The following VPS54 variants were observed in gnomAD, a reference collection of about 807,000 sequenced individuals.
VPS54 encodes the protein VPS54 subunit of GARP complex.
A neutral mutation model predicts 121.5 loss-of-function variants in VPS54; 45 were observed. The ratio of observed to expected loss-of-function variants is 0.37; its 90% CI spans 0.29 to 0.47. VPS54 has a LOEUF of 0.47. Among genes scored for constraint, VPS54 ranks in the 20% least tolerant of loss-of-function variants. VPS54 has a pLI of 0.99. For missense variants in VPS54, 1,090 were observed against 1,131.4 expected (o/e 0.96, Z 0.52); for synonymous variants, 371 against 385.8 (o/e 0.96, Z 0.45).
intron 12 of VPS54, among the ~76,000 whole-genome samples, chr2:63,929,552 A>C (rs933881406): frequency 3.3e-5 from 5 of 152,244 alleles, no homozygotes; most frequent in Non-Finnish European, 7.3e-5. Context: ...AAATGCCCAC[A>C]AGAGAAAGCA....
intron 16 of VPS54, among the ~76,000 whole-genome samples, chr2:63,915,054 G>A (rs1404952354): frequency 1.3e-5 from 2 of 150,946 alleles, no homozygotes. Flanking sequence ...GGGAGGCTGA[G>A]GCAGGAGAAT....
At position 63,892,296 on chromosome 2, in the gene VPS54, A is replaced by ATATT. The variant is rs1672252713; in HGVS notation, c.*1130_*1133dup. 6.6e-6 allele frequency: 1 copy of ATATT among 152,156 alleles called. No homozygotes were observed. The highest frequency in any genetic ancestry group is 1.5e-5 in the Non-Finnish European group (1 of 68,022). The allele number at this position is 152,156 out of a possible 1,614,324, so 9.4% of individuals were successfully genotyped here. On this transcript the variant is annotated 3_prime_UTR_variant, in exon 23 of 23. Coordinates refer to ENST00000272322, the MANE Select transcript of VPS54 (RefSeq NM_016516.3). ...TTTCATTATACATAATCACCACAGG[A>ATATT]TATTAGGCACTCTGACAGGGTTAGG... is the stretch of plus-strand genomic sequence containing the variant.
At chr2:63,988,320 T>A (rs1464355442) in intron 1 of VPS54, among the ~76,000 whole-genome samples, 1 of 152,262 alleles carries the variant, frequency 6.6e-6, no homozygotes, top group Admixed American at 6.5e-5. Flanking sequence ...TTTGCACATG[T>A]TGAACTATCT....
At chr2:63,956,603 C>T (rs897939024) in intron 7 of VPS54, among the ~76,000 whole-genome samples, 17 of 152,130 alleles carry the variant, frequency 1.1e-4, no homozygotes, top group African/African-American at 3.4e-4. Flanking sequence ...AGCTCTCAAG[C>T]CCAGTGAGAC....
chr2:63,916,884 A>G lies in VPS54; in HGVS notation c.2228+16T>C, dbSNP rs187280903. On this transcript the variant is annotated intron_variant, in intron 16 of 22. Transcript: ENST00000272322. ...AAATAGTTGACTCAACTACTAAAGA[A>G]AAATGTGTCACTCACCCAACAACTG... 36 of 1,613,008 alleles carry G rather than the reference A, an allele frequency of 2.2e-5. No homozygotes were observed. In the Admixed American group the frequency reaches 5.7e-4, roughly 25 times the overall value.
chr2:63,899,880 G>A (rs971753170), intron 20 of VPS54, among the ~76,000 whole-genome samples: 4 of 152,140 alleles, frequency 2.6e-5, no homozygotes, highest in Admixed American at 2.0e-4. Flanking sequence ...TAAGCTAGGT[G>A]ATGTTGGGCA....
chr2:64,004,747 C>T lies in VPS54; in HGVS notation c.-21+14191G>A, dbSNP rs117579210. Reference sequence around the variant, plus strand: ...TACAATGGACAATTATACTGAACTACAGCTACAATAATAACTGTTTAAATT... The same window carrying T: ...TACAATGGACAATTATACTGAACTATAGCTACAATAATAACTGTTTAAATT... On this transcript the variant is annotated intron_variant, in intron 1 of 22. Transcript: ENST00000272322. Among the ~76,000 whole-genome samples the T allele has an allele frequency of 5.4e-4, 82 of 152,286 alleles. 2 individuals carry two copies. The East Asian group carries it at 0.016, about 29-fold the overall frequency.
intron 1 of VPS54, among the ~76,000 whole-genome samples, chr2:64,017,746 G>C (rs530619212): frequency 1.3e-5 from 2 of 152,010 alleles, no homozygotes; most frequent in African/African-American, 4.8e-5. Context: ...TAATTCTTAA[G>C]TTATCAGAAC....
In VPS54 at chr2:63,940,697, T is replaced by C. The variant is rs149598309; in HGVS notation, c.1398+1768A>G. Among the ~76,000 whole-genome samples the C allele has an allele frequency of 6.9e-3, 1,055 of 152,302 alleles. 13 individuals are homozygous for C. The highest frequency in any genetic ancestry group is 0.024 in the African/African-American group (1,012 of 41,580). ...ACTTAAAGTCACAGTTTCCAAGACC[T>C]ATCCATAACATTGAAGACTTACTGT... On this transcript the variant is annotated intron_variant, in intron 11 of 22. Coordinates refer to ENST00000272322, the MANE Select transcript of VPS54 (RefSeq NM_016516.3).
chr2:63,982,782 C>A (rs1330328045), intron 2 of VPS54, among the ~76,000 whole-genome samples: 1 of 152,158 alleles, frequency 6.6e-6, no homozygotes, highest in Non-Finnish European at 1.5e-5. Context: ...CATGTGGCAC[C>A]AAGTAAAAAC....
intron 3 of VPS54, 50 bp from the exon 4 acceptor site, chr2:63,972,294 T>C: frequency 7.2e-7 from 1 of 1,384,742 alleles, no homozygotes; most frequent in Non-Finnish European, 1.0e-6. Flanking sequence ...ACATGAGTAT[T>C]CAAAGCATGA....
At chr2:64,011,108 A>G (rs1678407746) in intron 1 of VPS54, among the ~76,000 whole-genome samples, 1 of 152,250 alleles carries the variant, frequency 6.6e-6, no homozygotes, top group African/African-American at 2.4e-5. Flanking sequence ...ATATTTTTAA[A>G]TGGCTTATAA....
At chr2:63,986,057 C>CA (rs1039497443) in intron 1 of VPS54, among the ~76,000 whole-genome samples, 3 of 152,002 alleles carry the variant, frequency 2.0e-5, no homozygotes, top group East Asian at 1.9e-4. Flanking sequence ...AATAAAACAG[C>CA]AAAAAACATT....
At chr2:64,018,253 ATT>A (rs1206457550) in intron 1 of VPS54, among the ~76,000 whole-genome samples, 2 of 151,812 alleles carry the variant, frequency 1.3e-5, no homozygotes, top group Non-Finnish European at 2.9e-5. Context: ...GAAGAAAAAA[ATT>A]TTTTTTTGAA....
intron 4 of VPS54, among the ~76,000 whole-genome samples, chr2:63,970,313 A>ATATATAGATATATATAG (rs1312969372): frequency 1.9e-4 from 28 of 148,194 alleles, no homozygotes; most frequent in African/African-American, 2.2e-4. Context: ...AGATATAGAT[A>ATATATAGATATATATAG]AAACCCAGGC....
intron 12 of VPS54, among the ~76,000 whole-genome samples, chr2:63,922,946 A>AC: frequency 6.6e-6 from 1 of 151,792 alleles, no homozygotes; most frequent in East Asian, 1.9e-4. Flanking sequence ...AAAAAAAAAA[A>AC]GAGTGAATTA....
intron 7 of VPS54, among the ~76,000 whole-genome samples, chr2:63,953,652 C>G (rs1208043859): frequency 1.3e-5 from 2 of 151,998 alleles, no homozygotes; most frequent in South Asian, 2.1e-4. Flanking sequence ...AGGTGGAGAA[C>G]AGTATGTACA....
At chr2:63,897,335 CAG>C (rs1301910101) in intron 22 of VPS54, among the ~76,000 whole-genome samples, 159 bp downstream of exon 22, 15 of 151,736 alleles carry the variant, frequency 9.9e-5, no homozygotes, top group Admixed American at 9.8e-4. Flanking sequence ...TAGATAGAAA[CAG>C]ATATTTCCAC....
chr2:63,900,320 G>A (rs1222591042), intron 20 of VPS54, among the ~76,000 whole-genome samples: 2 of 151,380 alleles, frequency 1.3e-5, no homozygotes, highest in Non-Finnish European at 2.9e-5. Context: ...TTTTGTAGGT[G>A]GGTCAATATA....
Sources: allele counts gnomAD v4.1 joint callset (sites outside exome capture counted in the v4.1 genomes callset), GRCh38; gene constraint gnomAD v4.1.1; transcripts MANE v1.5; gene names NCBI Gene and HGNC (gene_info 2026-07-23, HGNC 2026-07-21).